RBMS1: variants seen among roughly 807,000 people sequenced by gnomAD.
The protein encoded by RBMS1 is RNA binding motif single stranded interacting protein 1.
Under a neutral mutation model 62.3 loss-of-function variants are expected in RBMS1, and 17 were observed. The observed-to-expected ratio is 0.27, with a 90% confidence interval of 0.19 to 0.41. The LOEUF (loss-of-function observed/expected upper bound fraction) is 0.41. Ranked by LOEUF, RBMS1 falls within the 10% of genes least tolerant of loss-of-function variation. The pLI is 1.00. For synonymous variants in RBMS1, 172 were observed against 170.0 expected, an observed-to-expected ratio of 1.01 and a Z score of -0.09; for missense variants, 334 against 504.5, an observed-to-expected ratio of 0.66 and a Z score of 3.24.
chr2:160,389,194 A>C (rs1467206425), intron 1 of RBMS1, among the ~76,000 whole-genome samples: 1 of 152,218 alleles, frequency 6.6e-6, no homozygotes, highest in Non-Finnish European at 1.5e-5. Flanking sequence ...TGTGTTCTGG[A>C]AAAATTTGAT....
At chr2:160,469,166 C>T (rs1208016638) in intron 1 of RBMS1, among the ~76,000 whole-genome samples, 1 of 152,210 alleles carries the variant, frequency 6.6e-6, no homozygotes, top group East Asian at 1.9e-4. Flanking sequence ...AAACTACATA[C>T]AAATTAGACA....
At chr2:160,339,401 C>G (rs1391872426) in intron 2 of RBMS1, among the ~76,000 whole-genome samples, 1 of 152,048 alleles carries the variant, frequency 6.6e-6, no homozygotes, top group Non-Finnish European at 1.5e-5. Context: ...TTTATGGTAA[C>G]AATGACTTGT....
At chr2:160,361,551 C>T (rs981670794) in intron 2 of RBMS1, among the ~76,000 whole-genome samples, 7 of 152,260 alleles carry the variant, frequency 4.6e-5, no homozygotes, top group South Asian at 2.1e-4. Flanking sequence ...ACAAGTCAAA[C>T]GAATTTTTTT....
rs759369633 is a variant in RBMS1 at position 160,277,316 on chromosome 2, G to A, written c.1130C>T (p.Ala377Val). ...GTCTCTACCAACCTCAACAGGAACC[G>A]CTGTCGTCTGCATATGTGCATACTG... Reference protein sequence around the residue: ...LPQYAHMQTTAVPVEEASGQQ... With the variant: ...LPQYAHMQTTVVPVEEASGQQ... The change falls in exon 12 of 14, where the codon GCG (alanine) becomes GTG (valine). Residue 377 changes from alanine to valine, a missense_variant. Around this residue, in one of 3 missense-constraint regions of RBMS1, gnomAD observed 182 missense variants for 257.7 expected, o/e 0.71. Transcript: ENST00000348849. 5 of 1,611,670 alleles carry A rather than the reference G, an allele frequency of 3.1e-6. No homozygotes were observed. The highest frequency in any genetic ancestry group is 1.3e-5 in the African/African-American group (1 of 74,962).
intron 2 of RBMS1, among the ~76,000 whole-genome samples, chr2:160,359,629 T>C (rs1262201015): frequency 2.6e-5 from 4 of 152,196 alleles, no homozygotes; most frequent in East Asian, 3.9e-4. Context: ...ACTGGGTCTG[T>C]TGGGCCCATT....
intron 1 of RBMS1, among the ~76,000 whole-genome samples, chr2:160,472,240 C>T (rs867328144): frequency 1.3e-5 from 2 of 152,034 alleles, no homozygotes; most frequent in South Asian, 4.1e-4. Context: ...AATTACAAAG[C>T]CAAACATTTC....
chr2:160,419,841 T>C (rs988531542), intron 1 of RBMS1, among the ~76,000 whole-genome samples: 7 of 152,224 alleles, frequency 4.6e-5, no homozygotes, highest in African/African-American at 1.7e-4. Context: ...TAAAAAGTTA[T>C]GAGACTACAG....
chr2:160,365,391 A>G (rs1292090534), intron 2 of RBMS1, among the ~76,000 whole-genome samples: 3 of 152,234 alleles, frequency 2.0e-5, no homozygotes, highest in Non-Finnish European at 2.9e-5. Context: ...GCTGCTATTG[A>G]TAATAGCAAG....
chr2:160,307,781 T>C (rs1191909852), intron 4 of RBMS1, among the ~76,000 whole-genome samples: 1 of 152,250 alleles, frequency 6.6e-6, no homozygotes, highest in Admixed American at 6.5e-5. Flanking sequence ...ACTTAAAACC[T>C]GCCACATGGC....
At chr2:160,423,298 A>C (rs1342999067) in intron 1 of RBMS1, among the ~76,000 whole-genome samples, 1 of 139,898 alleles carries the variant, frequency 7.1e-6, no homozygotes, top group African/African-American at 2.6e-5. Context: ...CCTTTTAAAA[A>C]TGTGAACAGC....
chr2:160,372,183 C>T (rs1487213568), intron 1 of RBMS1, among the ~76,000 whole-genome samples: 1 of 151,570 alleles, frequency 6.6e-6, no homozygotes, highest in East Asian at 1.9e-4. Context: ...TCCTCCTCTT[C>T]CCACCCCCAC....
chr2:160,331,337 G>A (rs956053951), intron 2 of RBMS1, among the ~76,000 whole-genome samples: 1 of 152,106 alleles, frequency 6.6e-6, no homozygotes, highest in Non-Finnish European at 1.5e-5. Flanking sequence ...GCATCTTTCT[G>A]CAAGACTCAG....
intron 2 of RBMS1, among the ~76,000 whole-genome samples, chr2:160,338,269 AT>A (rs1691685531): frequency 6.6e-6 from 1 of 152,206 alleles, no homozygotes. Flanking sequence ...ATGAATAAAT[AT>A]GTGATGAACT....
chr2:160,457,805 C>T (rs1401370948), intron 1 of RBMS1, among the ~76,000 whole-genome samples: 2 of 151,956 alleles, frequency 1.3e-5, no homozygotes, highest in East Asian at 1.9e-4. Flanking sequence ...TTTCACACAT[C>T]GTGTGACTTT....
At chr2:160,451,158 GA>G (rs71006607) in intron 1 of RBMS1, among the ~76,000 whole-genome samples, 22 of 128,052 alleles carry the variant, frequency 1.7e-4, no homozygotes, top group South Asian at 7.7e-4. Context: ...CCATGCTTCA[GA>G]AAAAAAAAAA....
Position 160,438,850 on chromosome 2 carries a change from C to T in RBMS1, c.75+54439G>A, listed in dbSNP as rs574687499. ...AGTAGGCGCGGCCGGGCAGAGGCGCCCCTCACCTCCCGGACAGGGCGGCTG... is the reference window on the plus strand; with the variant it reads ...AGTAGGCGCGGCCGGGCAGAGGCGCTCCTCACCTCCCGGACAGGGCGGCTG... On this transcript the variant is annotated intron_variant, in intron 1 of 13. Coordinates refer to ENST00000348849, the MANE Select transcript of RBMS1 (RefSeq NM_016836.4). Among the ~76,000 whole-genome samples the T allele has an allele frequency of 8.6e-5, 13 of 151,906 alleles. No individual in the cohort carries two copies. The East Asian group carries it at 1.6e-3, about 18-fold the overall frequency.
chr2:160,493,142 C>G (rs1685923613), intron 1 of RBMS1, 147 bp downstream of exon 1: 1 of 786,728 alleles, frequency 1.3e-6, no homozygotes, highest in Admixed American at 2.9e-5. Context: ...CCGGCTCTGC[C>G]CAGGCCAGCG....
intron 6 of RBMS1, among the ~76,000 whole-genome samples, chr2:160,296,241 A>G (rs1438770199): frequency 6.6e-6 from 1 of 152,234 alleles, no homozygotes; most frequent in Non-Finnish European, 1.5e-5. Context: ...TTAAAAAACA[A>G]AAAAAGGAAT....
chr2:160,324,271 A>C (rs1690758913), intron 2 of RBMS1, among the ~76,000 whole-genome samples: 1 of 152,224 alleles, frequency 6.6e-6, no homozygotes, highest in African/African-American at 2.4e-5. Context: ...GCACACACAC[A>C]CACACACAAT....
Sources: allele counts gnomAD v4.1 joint callset (sites outside exome capture counted in the v4.1 genomes callset), GRCh38; gene constraint gnomAD v4.1.1; regional missense constraint gnomAD v4.1.1; transcripts MANE v1.5; gene names NCBI Gene and HGNC (gene_info 2026-07-23, HGNC 2026-07-21).